SOAT1: variants seen among roughly 807,000 people sequenced by gnomAD.
SOAT1 encodes acyl-coenzyme A:cholesterol acyltransferase 1.
Under a neutral mutation model 69.5 loss-of-function variants are expected in SOAT1, and 55 were observed. That is an observed-to-expected ratio of 0.79 (90% CI 0.64 to 0.99). The LOEUF is 0.99. Among genes scored for constraint, SOAT1 ranks in the 50% least tolerant of loss-of-function variants. The pLI is 0.00. For synonymous variants in SOAT1, 231 were observed against 224.7 expected (o/e 1.03, Z -0.25); for missense variants, 580 against 669.3 (o/e 0.87, Z 1.47).
chr1:179,348,782 G>A, intron 12 of SOAT1, 62 bp from the exon 13 acceptor site: 1 of 127,732 alleles, frequency 7.8e-6, no homozygotes, highest in South Asian at 9.6e-5. Context: ...GTGTGTGTGT[G>A]TGTGTGTGTG....
intron 3 of SOAT1, 72 bp from the exon 4 acceptor site, chr1:179,335,434 C>T (rs538220258): frequency 3.0e-6 from 4 of 1,327,170 alleles, no homozygotes; most frequent in African/African-American, 1.5e-5. Context: ...TTAAGGGAGC[C>T]CTTTAGAGAA....
At chr1:179,343,566 T>C in intron 9 of SOAT1, 24 bp from the exon 10 acceptor site, 1 of 1,592,354 alleles carries the variant, frequency 6.3e-7, no homozygotes, top group African/African-American at 1.3e-5. Flanking sequence ...TTAGAAACCT[T>C]ATTTTTGTTT....
intron 1 of SOAT1, among the ~76,000 whole-genome samples, chr1:179,302,025 C>CT (rs5779019): frequency 0.019 from 2,703 of 141,926 alleles, 81 homozygotes; most frequent in African/African-American, 0.063. Flanking sequence ...CTATTTAATC[C>CT]TTTTTTTTTT....
rs1372920414 is a variant in SOAT1 at position 179,344,891 on chromosome 1, C to T, written c.988-56C>T. On this transcript the variant is annotated intron_variant, in intron 10 of 15. Transcript: ENST00000367619. ...TACTTTCTTTTGGAGAGAAAAAAAT[C>T]GCCTTCCATCTTATTAAGCCATCGT... is the stretch of plus-strand genomic sequence containing the variant. 8 of 1,576,538 alleles carry T rather than the reference C, an allele frequency of 5.1e-6. 1 individual carries two copies. The South Asian group carries it at 5.6e-5, about 11-fold the overall frequency.
chr1:179,348,924 T>A lies in SOAT1; in HGVS notation c.1296T>A (p.Ala432=). Residue 432 remains alanine (A), a synonymous_variant, in exon 13 of 16, where the codon GCT becomes GCA. Coordinates refer to ENST00000367619, the MANE Select transcript of SOAT1 (RefSeq NM_003101.6). The stretch of plus-strand genomic sequence containing the variant: ...TCCATGACTGGCTATATTACTATGC[T>A]TACAAGGACTTTCTCTGGGTAAGTA... ...VVVHDWLYYY[A]YKDFLWFFSK... 1 of 1,589,908 alleles carries A rather than the reference T, an allele frequency of 6.3e-7. No individual in the cohort carries two copies. Among genetic ancestry groups the A allele is most frequent in the Non-Finnish European group, 8.6e-7 (1 of 1,158,120 alleles).
intron 2 of SOAT1, among the ~76,000 whole-genome samples, chr1:179,306,478 C>A (rs1323408764): frequency 6.6e-6 from 1 of 152,142 alleles, no homozygotes; most frequent in Non-Finnish European, 1.5e-5. Context: ...TAGTTAAATT[C>A]ATTGTGAAAT....
At chr1:179,346,409 A>T (rs1191419146) in intron 11 of SOAT1, among the ~76,000 whole-genome samples, 6 of 152,230 alleles carry the variant, frequency 3.9e-5, no homozygotes, top group African/African-American at 1.4e-4. Context: ...GATAAACAAA[A>T]TGCTTATGGC....
At chr1:179,346,471 A>C (rs1666538245) in intron 11 of SOAT1, among the ~76,000 whole-genome samples, 1 of 152,180 alleles carries the variant, frequency 6.6e-6, no homozygotes, top group South Asian at 2.1e-4. Flanking sequence ...AAAAATAGGT[A>C]GGTATTTGCC....
intron 15 of SOAT1, 89 bp downstream of exon 15, chr1:179,351,551 G>A (rs1666734645): frequency 8.2e-7 from 1 of 1,213,712 alleles, no homozygotes; most frequent in East Asian, 2.3e-5. Flanking sequence ...GCACAGTAGT[G>A]GAGATTATGA....
rs927697252 is a variant in SOAT1, at chr1:179,348,752, C to A, written c.1216-92C>A. 5 of 667,522 alleles carry A rather than the reference C, an allele frequency of 7.5e-6. No individual in the cohort carries two copies. The East Asian group carries it at 8.1e-5, about 11-fold the overall frequency. 41.3% of individuals were successfully genotyped at this position (667,522 alleles called of 1,614,324 possible). A position where few individuals can be genotyped will look rare whatever the true frequency, so the allele number is the denominator to read the frequency against. The stretch of plus-strand genomic sequence containing the variant: ...TTGGGAAGTCAGGGGGGTTTGCTTT[C>A]GGGTGGGATGTGTGTGTGTGTGTGT... On this transcript the variant is annotated intron_variant, in intron 12 of 15. Coordinates refer to ENST00000367619, the MANE Select transcript of SOAT1 (RefSeq NM_003101.6).
At chr1:179,302,025 CT>C (rs5779019) in intron 1 of SOAT1, among the ~76,000 whole-genome samples, 71,265 of 141,794 alleles carry the variant, frequency 0.5, 17,900 homozygotes, top group Admixed American at 0.57. Context: ...CTATTTAATC[CT>C]TTTTTTTTTT....
rs138224499 is a variant in SOAT1, at chr1:179,349,801, C to T, written c.1315-495C>T. On this transcript the variant is annotated intron_variant, in intron 13 of 15. Transcript: ENST00000367619. ...GATTACAGTTTTTATTAAGTGAGGG[C>T]ACCATTTGGCTTAGTGACAGCATCT... Among the ~76,000 whole-genome samples the T allele has an allele frequency of 5.2e-3, 798 of 152,196 alleles. 8 individuals carry two copies. The highest frequency in any genetic ancestry group is 0.018 in the African/African-American group (740 of 41,514).
rs1323822903 is a variant in SOAT1 at position 179,337,117 on chromosome 1, G to A, written c.330-720G>A. ...GTTCATCCAGAATAATCGAGTGAAG[G>A]CTATCAAAGGCTAATATGTGTTAAC... On this transcript the variant is annotated intron_variant, in intron 4 of 15. Transcript: ENST00000367619. Among the ~76,000 whole-genome samples the A allele has an allele frequency of 2.6e-5, 4 of 152,268 alleles. No homozygotes were observed. The East Asian group carries it at 5.8e-4, about 22-fold the overall frequency.
At chr1:179,310,607 C>A (rs971582164) in intron 2 of SOAT1, among the ~76,000 whole-genome samples, 1 of 152,150 alleles carries the variant, frequency 6.6e-6, no homozygotes, top group Non-Finnish European at 1.5e-5. Context: ...TTGACTCTTT[C>A]AAGAAATACT....
At chr1:179,310,267 T>TTTC (rs1425389365) in intron 2 of SOAT1, among the ~76,000 whole-genome samples, 1 of 151,074 alleles carries the variant, frequency 6.6e-6, no homozygotes, top group African/African-American at 2.4e-5. Context: ...AAACATGACT[T>TTTC]TTTTTTTTTT....
chr1:179,345,545 C>A (rs1666499683), intron 11 of SOAT1, among the ~76,000 whole-genome samples: 1 of 151,838 alleles, frequency 6.6e-6, no homozygotes, highest in Non-Finnish European at 1.5e-5. Context: ...ATTTTTAAAT[C>A]TCTCTTGTCA....
At position 179,342,889 on chromosome 1, in the gene SOAT1, A is replaced by G; in HGVS notation, c.887A>G (p.Gln296Arg). 1 of 1,613,750 alleles carries G rather than the reference A, an allele frequency of 6.2e-7. No individual in the cohort carries two copies. Among genetic ancestry groups the G allele is most frequent in the Non-Finnish European group, 8.5e-7 (1 of 1,179,704 alleles). ...SSTVPIPTVN[Q>R]YLYFLFAPTL... ...ACTGTTCCAATACCTACAGTCAACC[A>G]GTATTTGTACTTCTTATTTGCTCCT... The change falls in exon 9 of 16, where the codon CAG becomes CGG. Residue 296 changes from glutamine to arginine, a missense_variant. Coordinates refer to ENST00000367619, the MANE Select transcript of SOAT1 (RefSeq NM_003101.6).
chr1:179,342,911 T>G lies in SOAT1; in HGVS notation c.909T>G (p.Ala303=). 6.2e-7 allele frequency: 1 copy of G among 1,613,840 alleles called. No homozygotes were observed. The highest frequency in any genetic ancestry group is 8.5e-7 in the Non-Finnish European group (1 of 1,179,746). The change falls in exon 9 of 16, where the codon GCT becomes GCG. Residue 303 remains alanine, a synonymous_variant. Coordinates refer to ENST00000367619, the MANE Select transcript of SOAT1 (RefSeq NM_003101.6). The stretch of plus-strand genomic sequence containing the variant: ...ACCAGTATTTGTACTTCTTATTTGC[T>G]CCTACCCTTATCTACCGTGACAGCT... ...TVNQYLYFLF[A]PTLIYRDSYP...
At chr1:179,309,066 T>G (rs539157921) in intron 2 of SOAT1, among the ~76,000 whole-genome samples, 2 of 152,322 alleles carry the variant, frequency 1.3e-5, no homozygotes, top group African/African-American at 4.8e-5. Context: ...CATTGCTTAC[T>G]TGTACTGGTA....
Sources: allele counts gnomAD v4.1 joint callset (sites outside exome capture counted in the v4.1 genomes callset), GRCh38; gene constraint gnomAD v4.1.1; transcripts MANE v1.5; gene names NCBI Gene and HGNC (gene_info 2026-07-23, HGNC 2026-07-21).